Variants in WWOX observed in about 807,000 individuals in gnomAD.
WWOX encodes WW domain containing oxidoreductase, also known as WW domain-containing oxidoreductase.
A neutral mutation model predicts 46.2 loss-of-function variants in WWOX; 69 were observed. The ratio of observed to expected loss-of-function variants is 1.49; its 90% CI spans 1.23 to 1.82. The LOEUF is 1.82. Among genes scored for constraint, WWOX ranks in the 40% most tolerant of loss-of-function variants. The pLI is 0.00. For synonymous variants in WWOX, 359 were observed against 202.6 expected (o/e 1.77, Z -6.56); for missense variants, 919 against 542.6 (o/e 1.69, Z -6.89).
At chr16:79,034,638 G>A (rs1299915994) in intron 8 of WWOX, among the ~76,000 whole-genome samples, 1 of 151,284 alleles carries the variant, frequency 6.6e-6, no homozygotes, top group African/African-American at 2.4e-5. Context: ...TAATCTTTTT[G>A]GTATCCAACA....
At chr16:78,470,380 C>T (rs1395617906) in intron 8 of WWOX, among the ~76,000 whole-genome samples, 2 of 152,206 alleles carry the variant, frequency 1.3e-5, no homozygotes, top group Non-Finnish European at 1.5e-5. Flanking sequence ...TTTGGATTCT[C>T]ATTTACCTTT....
At chr16:78,698,571 T>C (rs929898635) in intron 8 of WWOX, among the ~76,000 whole-genome samples, 1 of 152,224 alleles carries the variant, frequency 6.6e-6, no homozygotes, top group Non-Finnish European at 1.5e-5. Flanking sequence ...GGTACAGACC[T>C]TAAAAATATT....
At chr16:78,969,572 C>T (rs946908059) in intron 8 of WWOX, among the ~76,000 whole-genome samples, 5 of 152,166 alleles carry the variant, frequency 3.3e-5, no homozygotes, top group African/African-American at 1.2e-4. Flanking sequence ...CACCCAGCCA[C>T]TCTCTTTCAA....
chr16:78,945,842 T>C (rs145893818), intron 8 of WWOX, among the ~76,000 whole-genome samples: 1 of 152,162 alleles, frequency 6.6e-6, no homozygotes, highest in African/African-American at 2.4e-5. Flanking sequence ...TGGAGGGAAC[T>C]TCATCTCGTA....
chr16:78,951,387 T>A (rs1192840448), intron 8 of WWOX, among the ~76,000 whole-genome samples: 5 of 152,060 alleles, frequency 3.3e-5, no homozygotes, highest in Non-Finnish European at 5.9e-5. Flanking sequence ...CCTCAGTGGG[T>A]CACATGTAAA....
At chr16:78,317,505 A>G (rs1005495402) in intron 5 of WWOX, among the ~76,000 whole-genome samples, 2 of 152,184 alleles carry the variant, frequency 1.3e-5, no homozygotes, top group African/African-American at 4.8e-5. Flanking sequence ...ACCATGTACT[A>G]AGGCACAGGA....
At chr16:78,995,337 A>C (rs1291190684) in intron 8 of WWOX, among the ~76,000 whole-genome samples, 1 of 152,074 alleles carries the variant, frequency 6.6e-6, no homozygotes, top group African/African-American at 2.4e-5. Context: ...TCTCCTGCCT[A>C]CAGGTCATCC....
At position 79,010,932 on chromosome 16, in the gene WWOX, A is replaced by C. The variant is rs144570635; in HGVS notation, c.1057-200676A>C. Among the ~76,000 whole-genome samples the C allele has an allele frequency of 7.3e-3, 1,106 of 151,940 alleles. 12 individuals are homozygous for C. The highest frequency in any genetic ancestry group is 0.025 in the African/African-American group (1,037 of 41,426). ...TGTGTGGGACCTCGGAGGTCCTGCCATGGCTTTGGTTTCTACTTGGAGAGA... is the reference window on the plus strand; with the variant it reads ...TGTGTGGGACCTCGGAGGTCCTGCCCTGGCTTTGGTTTCTACTTGGAGAGA... On this transcript the variant is annotated intron_variant, in intron 8 of 8. Coordinates refer to ENST00000566780, the MANE Select transcript of WWOX (RefSeq NM_016373.4).
At chr16:78,409,110 T>A (rs1178036129) in intron 6 of WWOX, among the ~76,000 whole-genome samples, 1 of 152,116 alleles carries the variant, frequency 6.6e-6, no homozygotes, top group Non-Finnish European at 1.5e-5. Flanking sequence ...CCACTGGGTG[T>A]AGATTATTCA....
At chr16:78,759,573 C>T (rs2049740145) in intron 8 of WWOX, among the ~76,000 whole-genome samples, 1 of 152,130 alleles carries the variant, frequency 6.6e-6, no homozygotes, top group Admixed American at 6.5e-5. Context: ...ATCCTTTAAA[C>T]TAACCCTCTA....
intron 8 of WWOX, among the ~76,000 whole-genome samples, chr16:78,709,650 C>G (rs927683485): frequency 3.3e-5 from 5 of 152,062 alleles, no homozygotes; most frequent in African/African-American, 9.7e-5. Flanking sequence ...GGAATGAAAA[C>G]CAACTGCCCT....
chr16:78,319,025 A>G (rs1467393854), intron 5 of WWOX, among the ~76,000 whole-genome samples: 2 of 152,196 alleles, frequency 1.3e-5, no homozygotes, highest in African/African-American at 2.4e-5. Flanking sequence ...GCGAAGTTAA[A>G]ATCAGGAGAT....
At chr16:79,017,787 C>A (rs1157019987) in intron 8 of WWOX, among the ~76,000 whole-genome samples, 2 of 151,984 alleles carry the variant, frequency 1.3e-5, no homozygotes, top group Non-Finnish European at 2.9e-5. Context: ...TTTCCACCCC[C>A]ATTATTTGCA....
chr16:78,109,676 A>G, intron 2 of WWOX, 102 bp from the exon 3 acceptor site: 2 of 1,156,328 alleles, frequency 1.7e-6, no homozygotes, highest in Non-Finnish European at 2.6e-6. Flanking sequence ...GGTGGGAGGG[A>G]CAGGCTTGGG....
chr16:78,240,367 A>G (rs1426989300), intron 5 of WWOX, among the ~76,000 whole-genome samples: 1 of 152,074 alleles, frequency 6.6e-6, no homozygotes, highest in African/African-American at 2.4e-5. Context: ...GAGGACACAG[A>G]GGAGAAGGCT....
chr16:79,208,158 G>C (rs2051582311), intron 8 of WWOX, among the ~76,000 whole-genome samples: 1 of 152,122 alleles, frequency 6.6e-6, no homozygotes, highest in Non-Finnish European at 1.5e-5. Context: ...ATACTCTCAA[G>C]ATTGATTGCA....
chr16:79,158,801 C>T (rs775612762), intron 8 of WWOX, among the ~76,000 whole-genome samples: 16 of 152,180 alleles, frequency 1.1e-4, no homozygotes, highest in East Asian at 3.9e-4. Context: ...TTCTCACTCT[C>T]GTTTATTTTG....
chr16:78,207,431 A>C (rs942717864), intron 5 of WWOX, among the ~76,000 whole-genome samples: 3 of 152,064 alleles, frequency 2.0e-5, no homozygotes, highest in Non-Finnish European at 4.4e-5. Context: ...TAGTTTTTCT[A>C]CCAACATTAT....
intron 8 of WWOX, among the ~76,000 whole-genome samples, chr16:78,942,455 C>G (rs571966185): frequency 6.6e-6 from 1 of 152,252 alleles, no homozygotes; most frequent in East Asian, 1.9e-4. Context: ...GAAGATAAGT[C>G]TGTTGCCCCA....
Sources: gnomAD v4.1 joint callset for allele counts (sites outside exome capture counted in the v4.1 genomes callset) on GRCh38, gnomAD v4.1.1 for gene constraint, MANE v1.5 for transcripts, NCBI Gene and HGNC (gene_info 2026-07-23, HGNC 2026-07-21) for gene names.